Variants in BRIP1 observed in about 807,000 individuals in gnomAD.
BRIP1 encodes Fanconi anemia group J protein.
Under a neutral mutation model 119.7 loss-of-function variants are expected in BRIP1, and 88 were observed. The observed-to-expected ratio is 0.74, with a 90% CI of 0.62 to 0.88. The LOEUF (loss-of-function observed/expected upper bound fraction) is 0.88, where lower values mean the gene tolerates loss of function less well. Among genes scored for constraint, BRIP1 ranks in the 40% least tolerant of loss-of-function variants. BRIP1 has a pLI of 0.00. For synonymous variants in BRIP1, 443 were observed against 496.5 expected (o/e 0.89, Z 1.43); for missense variants, 1,259 against 1,455.4 (o/e 0.87, Z 2.20).
rs2078360562 is a variant in BRIP1, at chr17:61,823,752, C to A, written c.628-14995G>T. On this transcript the variant is annotated intron_variant, in intron 6 of 19. Transcript: ENST00000259008. This position sits in a 1 kb window ranked among gnomAD's most constrained non-coding sequence, Gnocchi z 4.8. ...AAAAAGCTCAATGACCCCAAGCACA[C>A]AATAAACACACACACACACACACAC... is the stretch of plus-strand genomic sequence containing the variant. Among the ~76,000 whole-genome samples, 1 of 133,060 alleles carries A rather than the reference C, an allele frequency of 7.5e-6. No homozygotes were observed. The highest frequency in any genetic ancestry group is 1.6e-5 in the Non-Finnish European group (1 of 63,470). 87.3% of individuals were successfully genotyped at this position (133,060 alleles called of 152,430 possible). A position where few individuals can be genotyped will look rare whatever the true frequency, so the allele number is the denominator to read the frequency against.
chr17:61,692,815 A>C (rs911872439), intron 18 of BRIP1, among the ~76,000 whole-genome samples: 3 of 152,200 alleles, frequency 2.0e-5, no homozygotes, highest in Admixed American at 2.0e-4. Context: ...AACAGTATCA[A>C]ATCAAAAAAT....
At chr17:61,833,148 A>T (rs1177750571) in intron 6 of BRIP1, among the ~76,000 whole-genome samples, 2 of 152,184 alleles carry the variant, frequency 1.3e-5, no homozygotes, top group African/African-American at 4.8e-5. Flanking sequence ...ACAATTGCAG[A>T]TACTATCACC....
At position 61,841,120 on chromosome 17, in the gene BRIP1, G is replaced by T. The variant is rs1195399007; in HGVS notation, c.627+5981C>A. ...ACCCAAAACTATAAGACTACTAGAAGAAAACATAGGGCAAAAGCTTCAGGA... is the reference window on the plus strand; with the variant it reads ...ACCCAAAACTATAAGACTACTAGAATAAAACATAGGGCAAAAGCTTCAGGA... On this transcript the variant is annotated intron_variant, in intron 6 of 19. Transcript: ENST00000259008. This position sits in a 1 kb window ranked among gnomAD's most constrained non-coding sequence, Gnocchi z 4.1. Among the ~76,000 whole-genome samples the T allele has an allele frequency of 6.6e-6, 1 of 152,066 alleles. No homozygotes were observed. The highest frequency in any genetic ancestry group is 1.5e-5 in the Non-Finnish European group (1 of 67,988).
rs2076951952 is a variant in BRIP1, at chr17:61,738,836, TA to T, written c.2379+4176del. ...CTTTACTAAAAATTATGGAAAAAGTTAAAATTCTTTTGATAACTACTCTGAA... is the reference window on the plus strand; with the variant it reads ...CTTTACTAAAAATTATGGAAAAAGTTAAATTCTTTTGATAACTACTCTGAA... On this transcript the variant is annotated intron_variant, in intron 16 of 19. Transcript: ENST00000259008. The surrounding 1 kb of genome is among the most constrained non-coding windows in gnomAD (Gnocchi z 4.2). 6.6e-6 allele frequency among the ~76,000 whole-genome samples: 1 copy of T among 152,084 alleles called. No individual in the cohort carries two copies. The highest frequency in any genetic ancestry group is 1.5e-5 in the Non-Finnish European group (1 of 67,950).
Position 61,689,385 on chromosome 17 carries a change from GA to G in BRIP1, c.2576-3221del, listed in dbSNP as rs984758223. Among the ~76,000 whole-genome samples the G allele has an allele frequency of 2.7e-5, 4 of 147,272 alleles. No individual in the cohort carries two copies. The highest frequency in any genetic ancestry group is 4.3e-4 in the South Asian group (2 of 4,678). ...GAAGCAAAAAGTAAAAAACAAAATG[GA>G]AAAAAAAAAGTGAAGGCTTATGGCT... is the stretch of plus-strand genomic sequence containing the variant. On this transcript the variant is annotated intron_variant, in intron 18 of 19. Transcript: ENST00000259008. The surrounding 1 kb of genome is among the most constrained non-coding windows in gnomAD (Gnocchi z 4.5).
At chr17:61,820,857 G>A (rs1448417374) in intron 6 of BRIP1, among the ~76,000 whole-genome samples, 1 of 151,950 alleles carries the variant, frequency 6.6e-6, no homozygotes, top group African/African-American at 2.4e-5. Context: ...GGCTGGGGCA[G>A]GAGAATCACT....
rs2077871032 is a variant in BRIP1, at chr17:61,794,592, T to A, written c.1341-863A>T. On this transcript the variant is annotated intron_variant, in intron 9 of 19. Coordinates refer to ENST00000259008, the MANE Select transcript of BRIP1 (RefSeq NM_032043.3). The surrounding 1 kb of genome is among the most constrained non-coding windows in gnomAD (Gnocchi z 4.3). ...AAAAATAACTAATGAGTTATAAGGC[T>A]TAATACCTGGGTGATGAAATAATAT... Among the ~76,000 whole-genome samples, 1 of 151,672 alleles carries A rather than the reference T, an allele frequency of 6.6e-6. No homozygotes were observed. Among genetic ancestry groups the A allele is most frequent in the Non-Finnish European group, 1.5e-5 (1 of 67,946 alleles).
Position 61,860,081 on chromosome 17 carries a change from T to C in BRIP1, c.94-174A>G, listed in dbSNP as rs2078954101. On this transcript the variant is annotated intron_variant, in intron 2 of 19. Coordinates refer to ENST00000259008, the MANE Select transcript of BRIP1 (RefSeq NM_032043.3). This position sits in a 1 kb window ranked among gnomAD's most constrained non-coding sequence, Gnocchi z 4.1. ...TCCAAACTGTATTCCTTTACACCTC[T>C]CCCTAAGATTATCTTACTAAAATAT... 6.6e-6 allele frequency among the ~76,000 whole-genome samples: 1 copy of C among 152,090 alleles called. No individual in the cohort carries two copies. The highest frequency in any genetic ancestry group is 2.4e-5 in the African/African-American group (1 of 41,404).
At chr17:61,817,141 T>G (rs1428298392) in intron 6 of BRIP1, among the ~76,000 whole-genome samples, 1 of 152,162 alleles carries the variant, frequency 6.6e-6, no homozygotes, top group Non-Finnish European at 1.5e-5. Context: ...AGAAATATAC[T>G]CTTGTGCCCA....
rs1156894137 is a variant in BRIP1 at position 61,814,841 on chromosome 17, G to A, written c.628-6084C>T. Among the ~76,000 whole-genome samples, 3 of 151,994 alleles carry A rather than the reference G, an allele frequency of 2.0e-5. No homozygotes were observed. The highest frequency in any genetic ancestry group is 6.6e-5 in the Admixed American group (1 of 15,242). ...AACAGAAGGAATGGATGAGTAAATT[G>A]TGGGCTCTTTCCAATCAATGGAATA... On this transcript the variant is annotated intron_variant, in intron 6 of 19. Coordinates refer to ENST00000259008, the MANE Select transcript of BRIP1 (RefSeq NM_032043.3). This position sits in a 1 kb window ranked among gnomAD's most constrained non-coding sequence, Gnocchi z 4.9.
intron 11 of BRIP1, among the ~76,000 whole-genome samples, chr17:61,782,243 G>A (rs945255585): frequency 4.0e-5 from 6 of 151,528 alleles, no homozygotes; most frequent in Admixed American, 6.6e-5. Context: ...AAAATTAGCC[G>A]GGCTTAGTGG....
chr17:61,702,334 A>T (rs563888585), intron 17 of BRIP1, among the ~76,000 whole-genome samples: 1 of 152,196 alleles, frequency 6.6e-6, no homozygotes, highest in Non-Finnish European at 1.5e-5. Flanking sequence ...ATTGCATGTC[A>T]TGGTGATTTG....
At chr17:61,719,143 T>A (rs887890955) in intron 16 of BRIP1, among the ~76,000 whole-genome samples, 1 of 151,972 alleles carries the variant, frequency 6.6e-6, no homozygotes, top group Non-Finnish European at 1.5e-5. Flanking sequence ...GGAGTTACTT[T>A]CTTGAAGGAA....
At chr17:61,784,821 G>T (rs1265520600) in intron 10 of BRIP1, among the ~76,000 whole-genome samples, 1 of 152,124 alleles carries the variant, frequency 6.6e-6, no homozygotes, top group Non-Finnish European at 1.5e-5. Flanking sequence ...TTTGCCATCA[G>T]TGGAAGCAGG....
rs553130400 is a variant in BRIP1, at chr17:61,847,457, G to C, written c.508-237C>G. ...CTTAGCCAAACTATCTTTAATTAGT[G>C]ATGTATCAAAATTAGAGTATTGTAA... On this transcript the variant is annotated intron_variant, in intron 5 of 19. Transcript: ENST00000259008. Among the ~76,000 whole-genome samples, 15 of 152,254 alleles carry C rather than the reference G, an allele frequency of 9.9e-5. No individual in the cohort carries two copies. The South Asian group carries it at 3.1e-3, about 32-fold the overall frequency.
At chr17:61,718,896 T>G (rs1312622248) in intron 16 of BRIP1, among the ~76,000 whole-genome samples, 1 of 152,216 alleles carries the variant, frequency 6.6e-6, no homozygotes, top group Non-Finnish European at 1.5e-5. Context: ...TCCTTTATAC[T>G]TTAAATAATC....
rs2077601709 is a variant in BRIP1, at chr17:61,780,562, T to C, written c.1795-161A>G. On this transcript the variant is annotated intron_variant, in intron 12 of 19. Coordinates refer to ENST00000259008, the MANE Select transcript of BRIP1 (RefSeq NM_032043.3). This position sits in a 1 kb window ranked among gnomAD's most constrained non-coding sequence, Gnocchi z 5.4. The stretch of plus-strand genomic sequence containing the variant: ...GGGCAATATGGTGAAACCCCGTCTC[T>C]ACAAAAAATACAAAAATTAGCCGGG... Among the ~76,000 whole-genome samples the C allele has an allele frequency of 2.6e-5, 4 of 152,006 alleles. No homozygotes were observed. Among genetic ancestry groups the C allele is most frequent in the Non-Finnish European group, 5.9e-5 (4 of 67,992 alleles).
chr17:61,757,226 C>CAA lies in BRIP1; in HGVS notation c.2098-12637_2098-12636dup, dbSNP rs1236217856. Among the ~76,000 whole-genome samples, 1 of 152,048 alleles carries CAA rather than the reference C, an allele frequency of 6.6e-6. No homozygotes were observed. Among genetic ancestry groups the CAA allele is most frequent in the Non-Finnish European group, 1.5e-5 (1 of 68,002 alleles). On this transcript the variant is annotated intron_variant, in intron 14 of 19. Transcript: ENST00000259008. This position sits in a 1 kb window ranked among gnomAD's most constrained non-coding sequence, Gnocchi z 4.3. Reference sequence around the variant, plus strand: ...GAATGTCCTTAATTTTTGCTAAATACAAACTGAAAATATAAGAAAACCAAG... The same window carrying CAA: ...GAATGTCCTTAATTTTTGCTAAATACAAAAACTGAAAATATAAGAAAACCAAG...
rs1555617818 is a variant in BRIP1 at position 61,857,108 on chromosome 17, T to C, written c.329A>G (p.Tyr110Cys). 1 of 1,614,152 alleles carries C rather than the reference T, an allele frequency of 6.2e-7. No homozygotes were observed. Among genetic ancestry groups the C allele is most frequent in the South Asian group, 1.1e-5 (1 of 91,088 alleles). The stretch of plus-strand genomic sequence containing the variant: ...TCTTTCAGAAGGTGGTGTGCTTGGA[T>C]AGTTGAAATGACGTGAAGTTCCTTG... ...MNQGTSRHFN[Y>C]PSTPPSERNG... Residue 110 changes from tyrosine (Y) to cysteine (C), a missense_variant, in exon 4 of 20, where the codon TAT becomes TGT. This residue lies in a region of BRIP1 where 501 missense variants were observed against 544.0 expected (regional missense o/e 0.92). Transcript: ENST00000259008. This position sits in a 1 kb window ranked among gnomAD's most constrained non-coding sequence, Gnocchi z 5.1.
Sources: allele counts gnomAD v4.1 joint callset (sites outside exome capture counted in the v4.1 genomes callset), GRCh38; gene constraint gnomAD v4.1.1; regional missense constraint gnomAD v4.1.1; non-coding constraint Gnocchi (gnomAD v3.1); transcripts MANE v1.5; gene names NCBI Gene and HGNC (gene_info 2026-07-23, HGNC 2026-07-21).